The following PPARGC1A variants were observed in gnomAD, a reference collection of about 807,000 sequenced individuals.
The protein encoded by PPARGC1A is PPARG coactivator 1 alpha, also known as peroxisome proliferator-activated receptor gamma coactivator 1-alpha.
PPARGC1A carries 25 observed loss-of-function variants against 88.7 expected under a neutral mutation model. The ratio of observed to expected loss-of-function variants is 0.28; its 90% CI spans 0.21 to 0.39. The LOEUF is 0.39. PPARGC1A is among the 10% of genes least tolerant of loss of function. The probability of loss-of-function intolerance (pLI) is 1.00; values close to 1 mark genes in which losing one functional copy is unlikely to be tolerated. For missense variants in PPARGC1A, 880 were observed against 968.7 expected, an observed-to-expected ratio of 0.91 and a Z score of 1.22; for synonymous variants, 363 against 355.6, an observed-to-expected ratio of 1.02 and a Z score of -0.24.
the PPARGC1A span, among the ~76,000 whole-genome samples, chr4:23,949,148 T>C: frequency 6.9e-4 from 105 of 152,220 alleles, 1 homozygote; most frequent in African/African-American, 2.5e-3. Context: ...AAAATACAGA[T>C]CAATTAACAG....
At chr4:24,322,409 C>A in the PPARGC1A span, among the ~76,000 whole-genome samples, 9 of 152,238 alleles carry the variant, frequency 5.9e-5, no homozygotes, top group Admixed American at 1.3e-4. Flanking sequence ...CTCTTGACAA[C>A]CCTGATGGTT....
the PPARGC1A span, among the ~76,000 whole-genome samples, chr4:24,197,569 C>T: frequency 6.6e-6 from 1 of 152,182 alleles, no homozygotes; most frequent in Admixed American, 6.5e-5. Context: ...GGCCCTGTTG[C>T]TCCTAAGACT....
At chr4:24,155,898 A>G in the PPARGC1A span, among the ~76,000 whole-genome samples, 1 of 152,332 alleles carries the variant, frequency 6.6e-6, no homozygotes, top group South Asian at 2.1e-4. Flanking sequence ...AGGAACTAGC[A>G]AGCACTAGGA....
the PPARGC1A span, among the ~76,000 whole-genome samples, chr4:23,912,995 T>A: frequency 6.8e-6 from 1 of 148,082 alleles, no homozygotes; most frequent in Non-Finnish European, 1.5e-5. Context: ...TTAGTAGAGA[T>A]GGGGTTTCAC....
the PPARGC1A span, among the ~76,000 whole-genome samples, chr4:24,031,384 C>T: frequency 6.6e-6 from 1 of 152,164 alleles, no homozygotes; most frequent in Non-Finnish European, 1.5e-5. Context: ...TTGTTCCCAA[C>T]TCCCTGTCAC....
At chr4:24,336,609 T>G in the PPARGC1A span, among the ~76,000 whole-genome samples, 1 of 152,228 alleles carries the variant, frequency 6.6e-6, no homozygotes, top group African/African-American at 2.4e-5. Flanking sequence ...ATCACTAATT[T>G]TACATACATG....
chr4:24,145,190 C>A, the PPARGC1A span, among the ~76,000 whole-genome samples: 1 of 151,586 alleles, frequency 6.6e-6, no homozygotes, highest in African/African-American at 2.4e-5. Context: ...TCCTCATAAC[C>A]GTCCTATAAG....
Position 23,856,946 on chromosome 4 carries a change from G to A in PPARGC1A, c.235-25195C>T, listed in dbSNP as rs549841566. Among the ~76,000 whole-genome samples, 113 of 152,136 alleles carry A rather than the reference G, an allele frequency of 7.4e-4. 1 individual carries two copies. Among genetic ancestry groups the A allele is most frequent in the African/African-American group, 2.6e-3 (109 of 41,492 alleles). On this transcript the variant is annotated intron_variant, in intron 2 of 12. Coordinates refer to ENST00000264867, the MANE Select transcript of PPARGC1A (RefSeq NM_013261.5). ...TTACAGAGCTATCCAGGAAGTTCAA[G>A]GTATTGGAATGTCAACAAATTGCCA...
the PPARGC1A span, among the ~76,000 whole-genome samples, chr4:24,402,085 G>A: frequency 6.6e-6 from 1 of 152,188 alleles, no homozygotes; most frequent in Non-Finnish European, 1.5e-5. Flanking sequence ...CAAGGGAAGC[G>A]CTGCTGAATA....
the PPARGC1A span, among the ~76,000 whole-genome samples, chr4:23,950,021 G>A: frequency 6.6e-6 from 1 of 152,150 alleles, no homozygotes; most frequent in Non-Finnish European, 1.5e-5. Context: ...CCTCTGAAAT[G>A]GATGATGCCT....
intron 10 of PPARGC1A, among the ~76,000 whole-genome samples, chr4:23,809,964 C>T (rs1241144710): frequency 2.0e-5 from 3 of 152,278 alleles, no homozygotes; most frequent in Admixed American, 6.5e-5. Context: ...GCACTTATCA[C>T]ACTGTATTGC....
chr4:24,336,947 C>T, the PPARGC1A span, among the ~76,000 whole-genome samples: 1 of 151,986 alleles, frequency 6.6e-6, no homozygotes, highest in South Asian at 2.1e-4. Flanking sequence ...ATAATGTTAC[C>T]ATGGATGACT....
At chr4:24,335,843 C>T in the PPARGC1A span, among the ~76,000 whole-genome samples, 1 of 152,146 alleles carries the variant, frequency 6.6e-6, no homozygotes, top group Non-Finnish European at 1.5e-5. Flanking sequence ...AGACAGAAGT[C>T]AGGCGGATAT....
the PPARGC1A span, among the ~76,000 whole-genome samples, chr4:24,098,342 G>A: frequency 1.3e-5 from 2 of 152,130 alleles, no homozygotes; most frequent in South Asian, 2.1e-4. Flanking sequence ...AAATACATGT[G>A]CATTTATATG....
the PPARGC1A span, among the ~76,000 whole-genome samples, chr4:24,012,208 G>A: frequency 4.0e-4 from 61 of 152,076 alleles, no homozygotes; most frequent in Non-Finnish European, 7.5e-4. Flanking sequence ...ATGATAAACT[G>A]CTTATATACA....
At chr4:23,947,509 G>A in the PPARGC1A span, among the ~76,000 whole-genome samples, 2 of 151,348 alleles carry the variant, frequency 1.3e-5, no homozygotes, top group African/African-American at 4.9e-5. Flanking sequence ...TGTAACCCCA[G>A]AACCTGCATC....
chr4:24,044,957 AG>A, the PPARGC1A span, among the ~76,000 whole-genome samples: 1 of 152,200 alleles, frequency 6.6e-6, no homozygotes, highest in East Asian at 1.9e-4. Context: ...CTTTCCACCC[AG>A]GCAAGTATTT....
chr4:23,892,695 C>T (rs1282850814), upstream of PPARGC1A, among the ~76,000 whole-genome samples: 1 of 152,148 alleles, frequency 6.6e-6, no homozygotes, highest in African/African-American at 2.4e-5. Flanking sequence ...TCCTTTCACC[C>T]CTTCGTCAAC....
chr4:24,272,367 A>C, the PPARGC1A span, among the ~76,000 whole-genome samples: 1 of 152,144 alleles, frequency 6.6e-6, no homozygotes, highest in African/African-American at 2.4e-5. Flanking sequence ...TGCTCTACCC[A>C]TAATGCCAGA....
Sources: gnomAD v4.1 joint callset for allele counts (sites outside exome capture counted in the v4.1 genomes callset) on GRCh38, gnomAD v4.1.1 for gene constraint, MANE v1.5 for transcripts, NCBI Gene and HGNC (gene_info 2026-07-23, HGNC 2026-07-21) for gene names.